The following MYH7B variants were observed in gnomAD, a reference collection of about 807,000 sequenced individuals.
MYH7B encodes myosin heavy chain 7B.
Under a neutral mutation model 234.5 loss-of-function variants are expected in MYH7B, and 205 were observed. That is an observed-to-expected ratio of 0.87 (90% CI 0.78 to 0.98). MYH7B has a LOEUF of 0.98. MYH7B is among the 50% of genes least tolerant of loss of function. The pLI is 0.00. For missense variants in MYH7B, 2,652 were observed against 2,633.4 expected, an observed-to-expected ratio of 1.01 and a Z score of -0.15; for synonymous variants, 1,193 against 1,105.0, an observed-to-expected ratio of 1.08 and a Z score of -1.58.
intron 1 of MYH7B, among the ~76,000 whole-genome samples, chr20:34,956,574 T>A (rs1192078258): frequency 6.6e-6 from 1 of 152,190 alleles, no homozygotes; most frequent in Admixed American, 6.5e-5. Flanking sequence ...TCTAGGGAAT[T>A]AACCATAAAT....
exon 29 of MYH7B, chr20:34,996,379 G>A (rs984721041): frequency 1.6e-5 from 26 of 1,607,702 alleles, no homozygotes; most frequent in Non-Finnish European, 2.2e-5. Context: ...GGCTGCGCTG[G>A]ACGAGTCAGT....
At chr20:34,969,972 C>T (rs1243155243) in intron 2 of MYH7B, among the ~76,000 whole-genome samples, 1 of 152,116 alleles carries the variant, frequency 6.6e-6, no homozygotes, top group East Asian at 1.9e-4. Flanking sequence ...ATGCTCATCA[C>T]AGCACTAGGA....
exon 45 of MYH7B, chr20:35,002,278 C>T (rs957290417): frequency 4.0e-5 from 57 of 1,416,058 alleles, no homozygotes; most frequent in Non-Finnish European, 5.3e-5. Flanking sequence ...CTCTGCATCG[C>T]CCCCTGCTGC....
At chr20:35,000,921 C>G in intron 40 of MYH7B, 28 bp downstream of exon 40, 1 of 1,597,904 alleles carries the variant, frequency 6.3e-7, no homozygotes, top group Non-Finnish European at 8.5e-7. Context: ...CTGTGGGGAG[C>G]CTGGGACAGA....
intron 9 of MYH7B, 119 bp downstream of exon 9, chr20:34,981,179 C>A: frequency 7.8e-7 from 1 of 1,287,670 alleles, no homozygotes; most frequent in Non-Finnish European, 1.1e-6. Context: ...CTTTTACCAC[C>A]TGGAGCTAGT....
At chr20:34,967,205 G>A (rs2081750621) in intron 2 of MYH7B, among the ~76,000 whole-genome samples, 3 of 151,882 alleles carry the variant, frequency 2.0e-5, no homozygotes, top group African/African-American at 4.8e-5. Flanking sequence ...CTCCAGGCTG[G>A]GAAACAGAAC....
At chr20:34,972,285 C>A (rs1166485417) in intron 2 of MYH7B, among the ~76,000 whole-genome samples, 1 of 152,106 alleles carries the variant, frequency 6.6e-6, no homozygotes, top group Admixed American at 6.6e-5. Context: ...AGGACGGCAC[C>A]TTAAACATCC....
intron 10 of MYH7B, among the ~76,000 whole-genome samples, chr20:34,984,389 G>T (rs1467928202): frequency 1.3e-5 from 2 of 152,190 alleles, no homozygotes; most frequent in Non-Finnish European, 2.9e-5. Context: ...GGCCCCTGGG[G>T]CTTGGAGCAG....
At chr20:34,961,293 T>C (rs1469685120) in intron 2 of MYH7B, among the ~76,000 whole-genome samples, 1 of 152,196 alleles carries the variant, frequency 6.6e-6, no homozygotes, top group Admixed American at 6.5e-5. Flanking sequence ...TAAATACTTT[T>C]ACATTTTATT....
chr20:34,999,377 G>A (rs753750954), exon 36 of MYH7B: 8 of 1,526,480 alleles, frequency 5.2e-6, no homozygotes, highest in South Asian at 2.6e-5. Flanking sequence ...CCCTGGAGAC[G>A]CTCAAGCGGG....
In MYH7B at chr20:34,986,962, T is replaced by C. The variant is rs3746446; in HGVS notation, c.981T>C (p.Asn327=). 0.19 allele frequency: 304,259 copies of C among 1,613,396 alleles called. 29,957 individuals carry two copies. The highest frequency in any genetic ancestry group is 0.33 in the Middle Eastern group (1,981 of 6,060). ...GCGTCATCACCGTGGACAACATGAA[T>C]GATGGGGAGGAGCTCATCGCCACCG... The change falls in exon 15 of 45, where the codon AAT becomes AAC. Residue 327 remains asparagine, a synonymous_variant. Transcript: ENST00000262873.
intron 30 of MYH7B, 135 bp downstream of exon 30, chr20:34,996,893 G>C (rs1174833738): frequency 7.3e-7 from 1 of 1,368,742 alleles, no homozygotes; most frequent in East Asian, 2.5e-5. Context: ...TGGGGTGCAG[G>C]GGTAGTGTCT....
intron 4 of MYH7B, 96 bp downstream of exon 4, chr20:34,977,776 TG>T: frequency 6.6e-7 from 1 of 1,506,536 alleles, no homozygotes; most frequent in Non-Finnish European, 9.1e-7. Context: ...CTTCTGAATC[TG>T]GAGTGGAGGA....
chr20:34,995,583 G>A lies in MYH7B; in HGVS notation c.2943+5G>A, dbSNP rs1407225038. Reference sequence around the variant, plus strand: ...AAGCAAGCCACTGAGAACAAGGTGTGGGCCGGGCCAGCTGTGGGGAAGGGC... The same window carrying A: ...AAGCAAGCCACTGAGAACAAGGTGTAGGCCGGGCCAGCTGTGGGGAAGGGC... On this transcript the variant is annotated splice_donor_5th_base_variant and intron_variant, in intron 28 of 44. Transcript: ENST00000262873. 6.2e-7 allele frequency: 1 copy of A among 1,613,698 alleles called. No homozygotes were observed. The highest frequency in any genetic ancestry group is 8.5e-7 in the Non-Finnish European group (1 of 1,179,912).
At position 35,001,538 on chromosome 20, in the gene MYH7B, G is replaced by A. The variant is rs376784523; in HGVS notation, c.5676+12G>A. The A allele has an allele frequency of 1.1e-5, 17 of 1,593,238 alleles. No individual in the cohort carries two copies. The African/African-American group carries it at 2.0e-4, about 19-fold the overall frequency. On this transcript the variant is annotated intron_variant, in intron 43 of 44. Transcript: ENST00000262873. ...AGTTTGAGGAGGCGGTGAGTGCGCT[G>A]GGGCCTGGACACCTGGACCGGGCAC... is the stretch of plus-strand genomic sequence containing the variant.
chr20:34,992,385 CAA>C (rs57996416), intron 24 of MYH7B, among the ~76,000 whole-genome samples: 20,530 of 98,080 alleles, frequency 0.21, 1,544 homozygotes, highest in Middle Eastern at 0.37. Context: ...GACTCCGTCT[CAA>C]AAAAAAAAAA....
intron 21 of MYH7B, 41 bp from the exon 22 acceptor site, chr20:34,990,193 G>A (rs1409134347): frequency 1.2e-6 from 2 of 1,614,006 alleles, no homozygotes; most frequent in Non-Finnish European, 1.7e-6. Context: ...GGCCCACAGA[G>A]CGACATTCCC....
exon 27 of MYH7B, chr20:34,994,393 C>A (rs1251935983): frequency 1.3e-6 from 2 of 1,577,648 alleles, no homozygotes; most frequent in Non-Finnish European, 1.7e-6. Context: ...GGCCCTGCAG[C>A]TGCAGGCTGT....
exon 29 of MYH7B, chr20:34,996,360 G>T (rs201271231): frequency 4.4e-6 from 7 of 1,595,970 alleles, no homozygotes; most frequent in Non-Finnish European, 4.3e-6. Context: ...AGAACCTGAC[G>T]GAAGAGATGG....
Sources: allele counts gnomAD v4.1 joint callset (sites outside exome capture counted in the v4.1 genomes callset), GRCh38; gene constraint gnomAD v4.1.1; transcripts MANE v1.5; gene names NCBI Gene and HGNC (gene_info 2026-07-23, HGNC 2026-07-21).